Variants in SOAT1 observed in about 807,000 individuals in gnomAD.
The protein encoded by SOAT1 is sterol O-acyltransferase 1.
A neutral mutation model predicts 69.5 loss-of-function variants in SOAT1; 55 were observed. The observed-to-expected ratio is 0.79, with a 90% CI of 0.64 to 0.99. The LOEUF is 0.99. Among genes scored for constraint, SOAT1 ranks in the 50% least tolerant of loss-of-function variants. SOAT1 has a pLI of 0.00. For missense variants in SOAT1, 580 were observed against 669.3 expected (o/e 0.87, Z 1.47); for synonymous variants, 231 against 224.7 (o/e 1.03, Z -0.25).
At chr1:179,334,798 C>G (rs923274170) in intron 3 of SOAT1, among the ~76,000 whole-genome samples, 1 of 151,550 alleles carries the variant, frequency 6.6e-6, no homozygotes, top group Admixed American at 6.6e-5. Flanking sequence ...GGCGGATCAC[C>G]TGAGGTTGGG....
chr1:179,355,144 T>C lies in SOAT1; in HGVS notation c.*1503T>C, dbSNP rs1666867012. 2.0e-5 allele frequency: 3 copies of C among 152,132 alleles called. No individual in the cohort carries two copies. In the South Asian group the frequency reaches 6.2e-4, roughly 32 times the overall value. 9.4% of individuals were successfully genotyped at this position (152,132 alleles called of 1,614,324 possible). On this transcript the variant is annotated 3_prime_UTR_variant, in exon 16 of 16. Coordinates refer to ENST00000367619, the MANE Select transcript of SOAT1 (RefSeq NM_003101.6). ...TAAATCCAACTTCAACGGAAACAAATACACTCAAGGGAAGTTATTTTTAAA... is the reference window on the plus strand; with the variant it reads ...TAAATCCAACTTCAACGGAAACAAACACACTCAAGGGAAGTTATTTTTAAA...
intron 5 of SOAT1, among the ~76,000 whole-genome samples, chr1:179,339,064 G>A (rs923848454): frequency 6.6e-6 from 1 of 152,108 alleles, no homozygotes; most frequent in Non-Finnish European, 1.5e-5. Flanking sequence ...TTTTATAGAC[G>A]TGTAGGGTAG....
chr1:179,327,024 A>G (rs947572129), intron 3 of SOAT1, among the ~76,000 whole-genome samples: 2 of 152,220 alleles, frequency 1.3e-5, no homozygotes, highest in Non-Finnish European at 2.9e-5. Flanking sequence ...AGGGAACTAC[A>G]TTTAGAAGTC....
chr1:179,351,922 G>A (rs757640240), intron 15 of SOAT1, among the ~76,000 whole-genome samples: 44 of 151,640 alleles, frequency 2.9e-4, no homozygotes, highest in Non-Finnish European at 5.3e-4. Flanking sequence ...GTTTCACCAT[G>A]TTAGCCAGGA....
intron 2 of SOAT1, among the ~76,000 whole-genome samples, chr1:179,322,443 C>T (rs1438139377): frequency 2.0e-5 from 3 of 151,590 alleles, no homozygotes; most frequent in South Asian, 2.1e-4. Context: ...CGTGCAGTGG[C>T]GCAATCTCGG....
In SOAT1 at chr1:179,353,822, G is replaced by C. The variant is rs901665231; in HGVS notation, c.*181G>C. ...ACTGTTGGAAGTTCACTGGAGTCTT[G>C]TACACTTAAGCAGAGCAGAACTTTT... is the stretch of plus-strand genomic sequence containing the variant. On this transcript the variant is annotated 3_prime_UTR_variant, in exon 16 of 16. Coordinates refer to ENST00000367619, the MANE Select transcript of SOAT1 (RefSeq NM_003101.6). The C allele has an allele frequency of 1.8e-4, 112 of 605,726 alleles. No individual in the cohort carries two copies. The highest frequency in any genetic ancestry group is 7.9e-4 in the Middle Eastern group (3 of 3,804). The allele number at this position is 605,726 out of a possible 1,614,324, so 37.5% of individuals were successfully genotyped here. A position where few individuals can be genotyped will look rare whatever the true frequency, so the allele number is the denominator to read the frequency against.
rs1404466011 is a variant in SOAT1 at position 179,301,740 on chromosome 1, C to G, written c.-8-937C>G. The stretch of plus-strand genomic sequence containing the variant: ...TAAAGCATCTGGCAGGGTCCTTGCA[C>G]TTAGTAGATACTTAACAAAAACTTG... On this transcript the variant is annotated intron_variant, in intron 1 of 15. Transcript: ENST00000367619. Among the ~76,000 whole-genome samples, 6 of 152,116 alleles carry G rather than the reference C, an allele frequency of 3.9e-5. No individual in the cohort carries two copies. In the South Asian group the frequency reaches 1.0e-3, roughly 26 times the overall value.
chr1:179,319,055 C>T lies in SOAT1; in HGVS notation c.119-4382C>T, dbSNP rs577447013. 2.0e-5 allele frequency among the ~76,000 whole-genome samples: 3 copies of T among 152,244 alleles called. No homozygotes were observed. In the East Asian group the frequency reaches 5.8e-4, roughly 29 times the overall value. On this transcript the variant is annotated intron_variant, in intron 2 of 15. Transcript: ENST00000367619. Reference sequence around the variant, plus strand: ...GCACTACACCATTTAACATTCCCACCAGCAATATCCTGGATAGTTGAAGTT... The same window carrying T: ...GCACTACACCATTTAACATTCCCACTAGCAATATCCTGGATAGTTGAAGTT...
intron 2 of SOAT1, among the ~76,000 whole-genome samples, chr1:179,314,339 C>A (rs1353156892): frequency 1.3e-5 from 2 of 152,022 alleles, no homozygotes; most frequent in Non-Finnish European, 2.9e-5. Context: ...TTTAACAAGC[C>A]TGGTTATTTG....
At chr1:179,341,338 A>G in intron 7 of SOAT1, 28 bp downstream of exon 7, 3 of 1,598,892 alleles carry the variant, frequency 1.9e-6, no homozygotes, top group Non-Finnish European at 2.6e-6. Context: ...ACCCAAGGCG[A>G]TGCTGTCCTC....
At position 179,323,508 on chromosome 1, in the gene SOAT1, C is replaced by G. The variant is rs747288560; in HGVS notation, c.177+13C>G. 6 of 1,609,602 alleles carry G rather than the reference C, an allele frequency of 3.7e-6. No individual in the cohort carries two copies. The highest frequency in any genetic ancestry group is 5.1e-6 in the Non-Finnish European group (6 of 1,176,764). On this transcript the variant is annotated intron_variant, in intron 3 of 15. Coordinates refer to ENST00000367619, the MANE Select transcript of SOAT1 (RefSeq NM_003101.6). Reference sequence around the variant, plus strand: ...AGCAGAGGCAGAGGCAAGTAACTCCCTCTTCTAGAAACAAAAATGTAGAGT... The same window carrying G: ...AGCAGAGGCAGAGGCAAGTAACTCCGTCTTCTAGAAACAAAAATGTAGAGT...
intron 13 of SOAT1, among the ~76,000 whole-genome samples, chr1:179,349,598 A>T (rs1666655026): frequency 6.6e-6 from 1 of 152,158 alleles, no homozygotes; most frequent in Non-Finnish European, 1.5e-5. Flanking sequence ...AAGTGCTGGG[A>T]TTACAAGCAT....
intron 2 of SOAT1, among the ~76,000 whole-genome samples, chr1:179,316,484 C>T (rs1366951557): frequency 2.0e-5 from 3 of 152,142 alleles, no homozygotes; most frequent in Non-Finnish European, 1.5e-5. Flanking sequence ...GCAACCTCCA[C>T]CTCCCGGGTT....
intron 2 of SOAT1, among the ~76,000 whole-genome samples, chr1:179,305,640 T>G (rs1026834393): frequency 6.6e-6 from 1 of 152,158 alleles, no homozygotes; most frequent in African/African-American, 2.4e-5. Context: ...ATGTTTAACT[T>G]TTTGAGGAGC....
At chr1:179,341,516 GATAA>G (rs1049782371) in intron 7 of SOAT1, among the ~76,000 whole-genome samples, 5 of 150,708 alleles carry the variant, frequency 3.3e-5, no homozygotes, top group Admixed American at 2.0e-4. Context: ...TCTGAATTTT[GATAA>G]ATAAATTACG....
chr1:179,329,360 A>G (rs1320180782), intron 3 of SOAT1, among the ~76,000 whole-genome samples: 3 of 152,050 alleles, frequency 2.0e-5, no homozygotes, highest in Admixed American at 2.0e-4. Flanking sequence ...ATTAAAAAAA[A>G]GACTCAAGTG....
intron 11 of SOAT1, among the ~76,000 whole-genome samples, chr1:179,346,680 T>C (rs1666544181): frequency 1.3e-5 from 2 of 152,184 alleles, no homozygotes; most frequent in South Asian, 4.1e-4. Flanking sequence ...GGTTAATTCT[T>C]TGTTTGGAGT....
chr1:179,320,227 G>T (rs1390860035), intron 2 of SOAT1, among the ~76,000 whole-genome samples: 1 of 152,018 alleles, frequency 6.6e-6, no homozygotes, highest in Admixed American at 6.6e-5. Context: ...TGAGTTCCAG[G>T]TCCATCTTCA....
chr1:179,337,375 C>T (rs190596176), intron 4 of SOAT1, among the ~76,000 whole-genome samples: 31 of 152,252 alleles, frequency 2.0e-4, no homozygotes. Flanking sequence ...GTATGGTAAA[C>T]ATCAGTGCAG....
Sources: allele counts gnomAD v4.1 joint callset (sites outside exome capture counted in the v4.1 genomes callset), GRCh38; gene constraint gnomAD v4.1.1; transcripts MANE v1.5; gene names NCBI Gene and HGNC (gene_info 2026-07-23, HGNC 2026-07-21).